ARID3A: variants seen among roughly 807,000 people sequenced by gnomAD.
ARID3A encodes the protein AT-rich interactive domain-containing protein 3A.
In ARID3A, 11 loss-of-function variants were observed where a neutral mutation model predicts 52.7. The ratio of observed to expected loss-of-function variants is 0.21; its 90% CI spans 0.13 to 0.35. The LOEUF (loss-of-function observed/expected upper bound fraction) is 0.35. Among genes scored for constraint, ARID3A ranks in the 10% least tolerant of loss-of-function variants. The pLI, the probability that ARID3A is intolerant of heterozygous loss-of-function variation, is 1.00. For synonymous variants in ARID3A, 404 were observed against 359.4 expected (o/e 1.12, Z -1.40); for missense variants, 721 against 838.5 (o/e 0.86, Z 1.73).
At chr19:927,852 T>C (rs1208203540) in intron 1 of ARID3A, among the ~76,000 whole-genome samples, 3 of 151,978 alleles carry the variant, frequency 2.0e-5, no homozygotes, top group Non-Finnish European at 4.4e-5. Context: ...AGAGGCTATT[T>C]TGGAACATGC....
In ARID3A at chr19:953,826, C is replaced by T. The variant is rs372959261; in HGVS notation, c.694-6266C>T. On this transcript the variant is annotated intron_variant, in intron 3 of 8. Coordinates refer to ENST00000263620, the MANE Select transcript of ARID3A (RefSeq NM_005224.3). The stretch of plus-strand genomic sequence containing the variant: ...TGGGGGCTCCTGCCTGTAATCCCAG[C>T]GCTGTGGGAGGCTGAGGCAGGAGGA... 6.6e-5 allele frequency among the ~76,000 whole-genome samples: 10 copies of T among 152,266 alleles called. No individual in the cohort carries two copies. The South Asian group carries it at 8.3e-4, about 13-fold the overall frequency.
intron 1 of ARID3A, among the ~76,000 whole-genome samples, chr19:927,970 C>T (rs1042506102): frequency 6.6e-6 from 1 of 152,074 alleles, no homozygotes; most frequent in South Asian, 2.1e-4. Flanking sequence ...GCAGAGGGGC[C>T]ACAGGACTCT....
At position 959,786 on chromosome 19, in the gene ARID3A, G is replaced by T. The variant is rs2038001259; in HGVS notation, c.694-306G>T. Among the ~76,000 whole-genome samples the T allele has an allele frequency of 6.6e-6, 1 of 152,134 alleles. No individual in the cohort carries two copies. The highest frequency in any genetic ancestry group is 2.4e-5 in the African/African-American group (1 of 41,412). On this transcript the variant is annotated intron_variant, in intron 3 of 8. Coordinates refer to ENST00000263620, the MANE Select transcript of ARID3A (RefSeq NM_005224.3). The surrounding 1 kb of genome is among the most constrained non-coding windows in gnomAD (Gnocchi z 5.0). The stretch of plus-strand genomic sequence containing the variant: ...CTGGAGCGCTGCGGCCACAAGCCAG[G>T]ACGCACCTTGATCTGGGGTTCCCGG...
At chr19:957,088 C>T (rs777556280) in intron 3 of ARID3A, among the ~76,000 whole-genome samples, 2 of 138,808 alleles carry the variant, frequency 1.4e-5, no homozygotes, top group African/African-American at 2.8e-5. Context: ...GGCTTTCCCC[C>T]ACCCTGCCCG....
chr19:939,594 A>G (rs908155375), intron 3 of ARID3A, among the ~76,000 whole-genome samples: 1 of 152,050 alleles, frequency 6.6e-6, no homozygotes, highest in Non-Finnish European at 1.5e-5. Context: ...GGAGGTATCT[A>G]ACGTGTGATC....
intron 3 of ARID3A, among the ~76,000 whole-genome samples, chr19:957,078 G>A (rs369564417): frequency 7.4e-5 from 11 of 149,120 alleles, no homozygotes; most frequent in Admixed American, 3.4e-4. Context: ...TATCCCTGCC[G>A]GCTTTCCCCC....
chr19:965,987 G>A (rs1422435505), intron 6 of ARID3A, among the ~76,000 whole-genome samples: 7 of 94,632 alleles, frequency 7.4e-5, no homozygotes, highest in Admixed American at 5.1e-4. Context: ...GTGAGACTCC[G>A]TGTCAAAAAA....
chr19:926,693 G>T (rs929608472), intron 1 of ARID3A, among the ~76,000 whole-genome samples: 1 of 151,094 alleles, frequency 6.6e-6, no homozygotes, highest in Non-Finnish European at 1.5e-5. Flanking sequence ...GGGGTGGGTT[G>T]GGCCCGGGCG....
In ARID3A at chr19:952,281, C is replaced by CA. The variant is rs113040149; in HGVS notation, c.694-7803dup. 1.0e-4 allele frequency among the ~76,000 whole-genome samples: 15 copies of CA among 150,532 alleles called. 1 individual carries two copies. Among genetic ancestry groups the CA allele is most frequent in the African/African-American group, 2.7e-4 (11 of 41,034 alleles). On this transcript the variant is annotated intron_variant, in intron 3 of 8. Coordinates refer to ENST00000263620, the MANE Select transcript of ARID3A (RefSeq NM_005224.3). ...GCAACATAGCAAGACCCCATCTCTA[C>CA]AAAAAAAAGTTAAAACTGGGCATGG... is the stretch of plus-strand genomic sequence containing the variant.
intron 3 of ARID3A, among the ~76,000 whole-genome samples, chr19:953,475 A>ACCC (rs3837991): frequency 2.3e-5 from 3 of 128,360 alleles, no homozygotes; most frequent in Non-Finnish European, 5.0e-5. Flanking sequence ...GGCCTCCCAC[A>ACCC]CCCCCCCCCG....
At position 931,762 on chromosome 19, in the gene ARID3A, G is replaced by A. The variant is rs1240129981; in HGVS notation, c.369-656G>A. On this transcript the variant is annotated intron_variant, in intron 2 of 8. Transcript: ENST00000263620. ...CGGGAGGCGGAGCTTGCAGTGAGCC[G>A]AGATTGCGCCGTTGCACTCCAGCCT... 2.7e-5 allele frequency among the ~76,000 whole-genome samples: 4 copies of A among 150,846 alleles called. No homozygotes were observed. In the East Asian group the frequency reaches 6.0e-4, roughly 23 times the overall value.
chr19:958,427 CAAAA>C (rs35996712), intron 3 of ARID3A, among the ~76,000 whole-genome samples: 13 of 85,924 alleles, frequency 1.5e-4, no homozygotes, highest in Admixed American at 1.2e-3. Flanking sequence ...GACTCCATCT[CAAAA>C]AAAAAAAAAA....
chr19:949,891 G>C (rs1270922749), intron 3 of ARID3A, among the ~76,000 whole-genome samples: 1 of 150,004 alleles, frequency 6.7e-6, no homozygotes, highest in Non-Finnish European at 1.5e-5. Flanking sequence ...GGCCAGGCTG[G>C]GACTCCTGAC....
intron 1 of ARID3A, among the ~76,000 whole-genome samples, chr19:927,406 G>A (rs979324119): frequency 6.6e-6 from 1 of 152,052 alleles, no homozygotes; most frequent in African/African-American, 2.4e-5. Context: ...GGGAATCTGG[G>A]ATCCCCACCT....
chr19:932,194 C>T lies in ARID3A; in HGVS notation c.369-224C>T, dbSNP rs144544057. On this transcript the variant is annotated intron_variant, in intron 2 of 8. Coordinates refer to ENST00000263620, the MANE Select transcript of ARID3A (RefSeq NM_005224.3). ...ATGCTTTTCAAGGCCCCAAAATTCA[C>T]GCTGTAGGGACGGCTTGTGCTGTTC... Among the ~76,000 whole-genome samples, 491 of 152,228 alleles carry T rather than the reference C, an allele frequency of 3.2e-3. 5 individuals are homozygous for T. The highest frequency in any genetic ancestry group is 6.2e-3 in the East Asian group (32 of 5,184).
Position 929,893 on chromosome 19 carries a change from A to C in ARID3A, c.365A>C (p.Asp122Ala). 1 of 1,540,670 alleles carries C rather than the reference A, an allele frequency of 6.5e-7. No homozygotes were observed. The highest frequency in any genetic ancestry group is 8.7e-7 in the Non-Finnish European group (1 of 1,146,792). Residue 122 changes from aspartate to alanine, a missense_variant, in exon 2 of 9, where the codon GAC becomes GCC. By Grantham distance (126) the Asp-to-Ala change is moderately radical. Around this residue, in one of 5 missense-constraint regions of ARID3A, gnomAD observed 349 missense variants for 297.3 expected, o/e 1.17. Transcript: ENST00000263620. The surrounding 1 kb of genome is among the most constrained non-coding windows in gnomAD (Gnocchi z 6.2). ...TTTGAGGACATGGCCTCCGACGAGG[A>C]CATGTGAGTTGGGGTCTGGGGCAGG... ...EHFEDMASDE[D>A]MKPKWEEEEM...
intron 3 of ARID3A, among the ~76,000 whole-genome samples, chr19:933,727 C>T (rs868496319): frequency 2.6e-5 from 4 of 152,018 alleles, no homozygotes; most frequent in Non-Finnish European, 5.9e-5. Flanking sequence ...AAGGGGCGGC[C>T]CTAACCCCAG....
chr19:966,990 G>A (rs958682426), intron 7 of ARID3A, 122 bp downstream of exon 7: 19 of 1,228,076 alleles, frequency 1.5e-5, no homozygotes, highest in Non-Finnish European at 1.8e-5. Flanking sequence ...GGGTGCAGTG[G>A]CTGACATCTG....
intron 1 of ARID3A, 65 bp downstream of exon 1, chr19:926,124 C>G (rs1233986678): frequency 1.3e-5 from 2 of 150,366 alleles, no homozygotes; most frequent in Non-Finnish European, 3.0e-5. Context: ...GCACCGGCGG[C>G]TGGAAGCCAG....
Sources: gnomAD v4.1 joint callset for allele counts (sites outside exome capture counted in the v4.1 genomes callset) on GRCh38, gnomAD v4.1.1 for gene constraint, gnomAD v4.1.1 regional missense constraint, Gnocchi (gnomAD v3.1) non-coding constraint, MANE v1.5 for transcripts, NCBI Gene and HGNC (gene_info 2026-07-23, HGNC 2026-07-21) for gene names.